KIAA1549: variants seen among roughly 807,000 people sequenced by gnomAD.
KIAA1549 encodes UPF0606 protein KIAA1549.
Under a neutral mutation model 156.4 loss-of-function variants are expected in KIAA1549, and 70 were observed. The observed-to-expected ratio is 0.45, with a 90% CI of 0.37 to 0.55. The LOEUF is 0.55. Ranked by LOEUF, KIAA1549 falls within the 20% of genes least tolerant of loss-of-function variation. The probability of loss-of-function intolerance (pLI) is 0.00; values close to 1 mark genes in which losing one functional copy is unlikely to be tolerated. For synonymous variants in KIAA1549, 1,103 were observed against 1,066.4 expected (o/e 1.03, Z -0.67); for missense variants, 2,428 against 2,540.9 (o/e 0.96, Z 0.96).
intron 12 of KIAA1549, among the ~76,000 whole-genome samples, chr7:138,873,536 G>T (rs1315044824): frequency 6.6e-6 from 1 of 151,308 alleles, no homozygotes; most frequent in Non-Finnish European, 1.5e-5. Flanking sequence ...CCTAGAAGTG[G>T]GATCACTTTC....
intron 8 of KIAA1549, among the ~76,000 whole-genome samples, chr7:138,902,154 G>C (rs1371236898): frequency 6.6e-6 from 1 of 152,092 alleles, no homozygotes; most frequent in Non-Finnish European, 1.5e-5. Flanking sequence ...AAATTTCTCT[G>C]TAACTTACTG....
intron 8 of KIAA1549, among the ~76,000 whole-genome samples, chr7:138,902,926 C>A (rs1209985433): frequency 6.6e-6 from 1 of 152,088 alleles, no homozygotes; most frequent in African/African-American, 2.4e-5. Flanking sequence ...AGGAAATATG[C>A]TGAAATGTTT....
In KIAA1549 at chr7:138,832,658, C is replaced by CT. The variant is rs1809572017; in HGVS notation, c.*5247dup. ...CTGTCACTTTCTTACTGGCTCCTAA[C>CT]TTTGTTTCATGTTTCCAAAGGCATT... On this transcript the variant is annotated 3_prime_UTR_variant, in exon 20 of 20. Coordinates refer to ENST00000422774, the MANE Select transcript of KIAA1549 (RefSeq NM_001164665.2). 4.6e-6 allele frequency: 1 copy of CT among 215,392 alleles called. No homozygotes were observed. The highest frequency in any genetic ancestry group is 9.4e-6 in the Non-Finnish European group (1 of 106,948). The allele number at this position is 215,392 out of a possible 1,614,324, so 13.3% of individuals were successfully genotyped here.
At chr7:138,924,525 T>C (rs1812657621) in intron 1 of KIAA1549, among the ~76,000 whole-genome samples, 1 of 152,140 alleles carries the variant, frequency 6.6e-6, no homozygotes, top group Non-Finnish European at 1.5e-5. Context: ...TAGAATTAAA[T>C]CAACTAGGCC....
chr7:138,951,176 C>T (rs113794793), intron 1 of KIAA1549, among the ~76,000 whole-genome samples: 3,499 of 152,272 alleles, frequency 0.023, 66 homozygotes, highest in Admixed American at 0.038. Flanking sequence ...AGCGATTCTC[C>T]TGCCTCAGCC....
intron 10 of KIAA1549, among the ~76,000 whole-genome samples, chr7:138,884,791 G>A (rs984213354): frequency 1.3e-5 from 2 of 152,228 alleles, no homozygotes; most frequent in African/African-American, 2.4e-5. Flanking sequence ...AAAGAATCCT[G>A]AAACACACCT....
intron 2 of KIAA1549, 128 bp downstream of exon 2, chr7:138,916,620 T>G: frequency 2.1e-6 from 3 of 1,431,808 alleles, no homozygotes; most frequent in Non-Finnish European, 2.8e-6. Context: ...ATAGGAGTAC[T>G]ACCTGGGAGT....
intron 9 of KIAA1549, among the ~76,000 whole-genome samples, chr7:138,895,558 G>A (rs1291553583): frequency 6.6e-6 from 1 of 152,004 alleles, no homozygotes; most frequent in Non-Finnish European, 1.5e-5. Context: ...CTACCTACAT[G>A]AGGTATCTAG....
chr7:138,861,494 G>A, intron 15 of KIAA1549, 38 bp from the exon 16 acceptor site: 1 of 1,525,018 alleles, frequency 6.6e-7, no homozygotes, highest in Non-Finnish European at 9.0e-7. Context: ...TCACACATGA[G>A]TTTTTGTGGC....
In KIAA1549 at chr7:138,871,309, C is replaced by T. The variant is rs374794051; in HGVS notation, c.4399G>A (p.Glu1467Lys). The T allele has an allele frequency of 2.5e-6, 4 of 1,603,834 alleles. No homozygotes were observed. In the African/African-American group the frequency reaches 4.0e-5, roughly 16 times the overall value. The change falls in exon 13 of 20, where the codon GAG (glutamate) becomes AAG (lysine). Residue 1467 changes from glutamate (E) to lysine (K), a missense_variant. By Grantham distance (56) the Glu-to-Lys change is moderately conservative (BLOSUM62 1). Coordinates refer to ENST00000422774, the MANE Select transcript of KIAA1549 (RefSeq NM_001164665.2). ...GGGCGGGAGATCCTGTCCACGTGCT[C>T]GAAGATGGAGGCTGATGAGTGCTGC... is the stretch of plus-strand genomic sequence containing the variant. ...NEQHSSASIF[E>K]HVDRISRPPE...
intron 1 of KIAA1549, among the ~76,000 whole-genome samples, chr7:138,976,947 G>A (rs1373731691): frequency 6.6e-6 from 1 of 152,210 alleles, no homozygotes; most frequent in Admixed American, 6.5e-5. Context: ...GTTGATGCAG[G>A]AGGCCTAGGG....
chr7:138,896,714 A>AC (rs1270561439), intron 9 of KIAA1549, among the ~76,000 whole-genome samples: 1 of 150,920 alleles, frequency 6.6e-6, no homozygotes, highest in African/African-American at 2.4e-5. Context: ...CCTGCCTCAG[A>AC]CCCCCCAAGT....
chr7:138,838,114 T>A lies in KIAA1549; in HGVS notation c.5645A>T (p.Gln1882Leu). ...CTCCCTGCCTGAAGTCCTTGGCACC[T>A]GAAATAGCGGTGAAGAAGAATACTC... is the stretch of plus-strand genomic sequence containing the variant. ...HQEYSSSPLF[Q>L]VPRTSGREPS... is the part of the protein sequence containing the mutation. Residue 1882 changes from glutamine (Q) to leucine (L), a missense_variant, in exon 20 of 20, where the codon CAG becomes CTG. Coordinates refer to ENST00000422774, the MANE Select transcript of KIAA1549 (RefSeq NM_001164665.2). 6.5e-7 allele frequency: 1 copy of A among 1,541,814 alleles called. No individual in the cohort carries two copies. Among genetic ancestry groups the A allele is most frequent in the Non-Finnish European group, 8.7e-7 (1 of 1,149,348 alleles).
In KIAA1549 at chr7:138,833,944, C is replaced by G. The variant is rs1027102983; in HGVS notation, c.*3962G>C. On this transcript the variant is annotated 3_prime_UTR_variant, in exon 20 of 20. Transcript: ENST00000422774. The stretch of plus-strand genomic sequence containing the variant: ...ATAGTGCAGTCGGGGATTCTGTCCC[C>G]ATATCAAAGCAGATCAAGATCAAGT... The G allele has an allele frequency of 4.3e-6, 1 of 231,660 alleles. No homozygotes were observed. The highest frequency in any genetic ancestry group is 5.6e-5 in the Admixed American group (1 of 17,720). The allele number at this position is 231,660 out of a possible 1,614,324, so 14.4% of individuals were successfully genotyped here.
At chr7:138,842,350 G>A (rs933576898) in intron 18 of KIAA1549, among the ~76,000 whole-genome samples, 6 of 152,156 alleles carry the variant, frequency 3.9e-5, no homozygotes, top group African/African-American at 1.4e-4. Context: ...ACGGGCTATG[G>A]CTACCGCTGA....
rs764875757 is a variant in KIAA1549, at chr7:138,871,317, G to T, written c.4391C>A (p.Ser1464Tyr). The T allele has an allele frequency of 1.3e-6, 2 of 1,599,566 alleles. No homozygotes were observed. Among genetic ancestry groups the T allele is most frequent in the South Asian group, 1.1e-5 (1 of 88,500 alleles). ...GATCCTGTCCACGTGCTCGAAGATGGAGGCTGATGAGTGCTGCTCATTTCC... is the reference window on the plus strand; with the variant it reads ...GATCCTGTCCACGTGCTCGAAGATGTAGGCTGATGAGTGCTGCTCATTTCC... ...SSGNEQHSSA[S>Y]IFEHVDRISR... The change falls in exon 13 of 20, where the codon TCC becomes TAC. Residue 1464 changes from serine (S) to tyrosine (Y), a missense_variant. Ser to Tyr is a moderately radical substitution (Grantham distance 144). Transcript: ENST00000422774.
chr7:138,917,626 A>G lies in KIAA1549; in HGVS notation c.2000T>C (p.Val667Ala). 1.2e-6 allele frequency: 2 copies of G among 1,613,864 alleles called. No individual in the cohort carries two copies. Among genetic ancestry groups the G allele is most frequent in the Non-Finnish European group, 8.5e-7 (1 of 1,179,830 alleles). ...AGAGTCAAACAATGTAAATGTCTCAACCAAGGGAGAAAAAGACTGAGATGT... is the reference window on the plus strand; with the variant it reads ...AGAGTCAAACAATGTAAATGTCTCAGCCAAGGGAGAAAAAGACTGAGATGT... ...PFTSQSFSPL[V>A]ETFTLFDSSD... is the part of the protein sequence containing the mutation. The change falls in exon 2 of 20, where the codon GTT becomes GCT. Residue 667 changes from valine to alanine, a missense_variant. Coordinates refer to ENST00000422774, the MANE Select transcript of KIAA1549 (RefSeq NM_001164665.2).
intron 2 of KIAA1549, among the ~76,000 whole-genome samples, chr7:138,916,147 C>T (rs1052060480): frequency 6.6e-6 from 1 of 152,152 alleles, no homozygotes; most frequent in Admixed American, 6.5e-5. Context: ...TTTCTTTCCT[C>T]GGGACCCAAG....
At chr7:138,950,964 C>A (rs1480059253) in intron 1 of KIAA1549, among the ~76,000 whole-genome samples, 2 of 152,164 alleles carry the variant, frequency 1.3e-5, no homozygotes, top group African/African-American at 4.8e-5. Context: ...TCACCTCGGC[C>A]CAGCTGTCAC....
Sources: allele counts gnomAD v4.1 joint callset (sites outside exome capture counted in the v4.1 genomes callset), GRCh38; gene constraint gnomAD v4.1.1; transcripts MANE v1.5; gene names NCBI Gene and HGNC (gene_info 2026-07-23, HGNC 2026-07-21).